The following GRIN3A variants were observed in gnomAD, a reference collection of about 807,000 sequenced individuals.
GRIN3A encodes glutamate ionotropic receptor NMDA type subunit 3A.
Under a neutral mutation model 92.4 loss-of-function variants are expected in GRIN3A, and 47 were observed. The observed-to-expected ratio is 0.51, with a 90% confidence interval of 0.40 to 0.65. The LOEUF is 0.65. Ranked by LOEUF, GRIN3A falls within the 30% of genes least tolerant of loss-of-function variation. The probability of loss-of-function intolerance (pLI) is 0.00; values close to 1 mark genes in which losing one functional copy is unlikely to be tolerated. For missense variants in GRIN3A, 1,324 were observed against 1,393.1 expected, an observed-to-expected ratio of 0.95 and a Z score of 0.79; for synonymous variants, 527 against 540.6, an observed-to-expected ratio of 0.97 and a Z score of 0.35.
At chr9:101,665,417 C>T (rs184099682) in intron 3 of GRIN3A, among the ~76,000 whole-genome samples, 47 of 151,846 alleles carry the variant, frequency 3.1e-4, no homozygotes, top group African/African-American at 1.1e-3. Context: ...GGCAGGTGTT[C>T]AAGAGCATTA....
intron 8 of GRIN3A, among the ~76,000 whole-genome samples, chr9:101,575,538 A>T (rs1192364064): frequency 6.6e-6 from 1 of 152,196 alleles, no homozygotes; most frequent in African/African-American, 2.4e-5. Flanking sequence ...GAATAAACCC[A>T]GGGCTATATA....
intron 3 of GRIN3A, among the ~76,000 whole-genome samples, chr9:101,669,450 C>T (rs1229473484): frequency 6.6e-6 from 1 of 152,078 alleles, no homozygotes; most frequent in Non-Finnish European, 1.5e-5. Flanking sequence ...ACTGCTGGCA[C>T]TCTCCCTTCT....
In GRIN3A at chr9:101,613,437, A is replaced by C; in HGVS notation, c.2705T>G (p.Met902Arg). 1 of 1,614,194 alleles carries C rather than the reference A, an allele frequency of 6.2e-7. No homozygotes were observed. The highest frequency in any genetic ancestry group is 8.5e-7 in the Non-Finnish European group (1 of 1,180,010). ...CACCCTGTACCACTTGTCATGGAGC[A>C]TATCCATAAACCCATGTGACTTGTA... ...SQYKSHGFMD[M>R]LHDKWYRVVP... The change falls in exon 6 of 9, where the codon ATG becomes AGG. Residue 902 changes from methionine (M) to arginine (R), a missense_variant. Physicochemically the swap from Met to Arg is moderately conservative, Grantham distance 91. Transcript: ENST00000361820.
At chr9:101,586,083 C>T (rs1827947263) in intron 6 of GRIN3A, among the ~76,000 whole-genome samples, 2 of 152,214 alleles carry the variant, frequency 1.3e-5, no homozygotes, top group African/African-American at 4.8e-5. Context: ...CCTTCCCTCA[C>T]TTTCTTTAGG....
At chr9:101,574,026 A>C (rs1429287836) in intron 8 of GRIN3A, among the ~76,000 whole-genome samples, 1 of 152,068 alleles carries the variant, frequency 6.6e-6, no homozygotes. Flanking sequence ...GGGGAGAAAA[A>C]AAGCATATAA....
chr9:101,679,423 T>G (rs1829440153), intron 2 of GRIN3A, among the ~76,000 whole-genome samples: 1 of 152,108 alleles, frequency 6.6e-6, no homozygotes, highest in Admixed American at 6.6e-5. Context: ...AATAGAGTCT[T>G]GAGGGAATAT....
At chr9:101,679,956 G>A (rs947837160) in intron 2 of GRIN3A, among the ~76,000 whole-genome samples, 1 of 152,144 alleles carries the variant, frequency 6.6e-6, no homozygotes, top group East Asian at 1.9e-4. Context: ...ATAGCTTCAG[G>A]CTGAAAGAAT....
chr9:101,582,579 C>G (rs1827901941), intron 6 of GRIN3A, among the ~76,000 whole-genome samples: 1 of 152,160 alleles, frequency 6.6e-6, no homozygotes, highest in Non-Finnish European at 1.5e-5. Flanking sequence ...GTAAACCTGA[C>G]ATGCAGAAAG....
intron 1 of GRIN3A, among the ~76,000 whole-genome samples, chr9:101,736,399 C>T (rs1408128192): frequency 6.6e-6 from 1 of 152,204 alleles, no homozygotes; most frequent in African/African-American, 2.4e-5. Context: ...GATTCATCTC[C>T]TCATTATTAC....
At chr9:101,715,896 G>A (rs1285615539) in intron 1 of GRIN3A, among the ~76,000 whole-genome samples, 1 of 152,100 alleles carries the variant, frequency 6.6e-6, no homozygotes, top group Non-Finnish European at 1.5e-5. Flanking sequence ...CTTTTGCCTT[G>A]TAAATACATT....
At chr9:101,642,788 C>T (rs1198209783) in intron 3 of GRIN3A, among the ~76,000 whole-genome samples, 3 of 152,048 alleles carry the variant, frequency 2.0e-5, no homozygotes, top group Admixed American at 6.5e-5. Context: ...GTGAACCCCA[C>T]GTGCGAGGGA....
intron 1 of GRIN3A, among the ~76,000 whole-genome samples, chr9:101,702,900 C>T (rs914660321): frequency 1.2e-4 from 18 of 152,182 alleles, no homozygotes; most frequent in Non-Finnish European, 2.6e-4. Flanking sequence ...CTCTCTTTTT[C>T]TTCTTGTCAC....
intron 6 of GRIN3A, chr9:101,591,652 CTG>C (rs906682324): frequency 2.6e-5 from 4 of 152,194 alleles, no homozygotes; most frequent in Non-Finnish European, 5.9e-5. Context: ...TCCCAAGAAA[CTG>C]TATAGAACTA....
chr9:101,726,975 A>G (rs1830088276), intron 1 of GRIN3A, among the ~76,000 whole-genome samples: 1 of 152,200 alleles, frequency 6.6e-6, no homozygotes. Context: ...GACAAGAAGC[A>G]TAATCAGTAA....
intron 2 of GRIN3A, among the ~76,000 whole-genome samples, chr9:101,671,908 G>A (rs2118954685): frequency 6.6e-6 from 1 of 152,270 alleles, no homozygotes; most frequent in East Asian, 1.9e-4. Flanking sequence ...TCCTAACCCT[G>A]TGAACTAGGG....
chr9:101,610,558 T>A (rs1475302505), intron 6 of GRIN3A, among the ~76,000 whole-genome samples: 1 of 151,202 alleles, frequency 6.6e-6, no homozygotes, highest in African/African-American at 2.4e-5. Context: ...ACCAAGGGCA[T>A]TGACCAGCTT....
rs1201191623 is a variant in GRIN3A at position 101,671,064 on chromosome 9, T to G, written c.1348A>C (p.Arg450=). The change falls in exon 3 of 9, where the codon AGA becomes CGA. Residue 450 remains arginine (R), a synonymous_variant. Coordinates refer to ENST00000361820, the MANE Select transcript of GRIN3A (RefSeq NM_133445.3). ...TTFRGLSGSI[R]VKGSTIVSSE... Reference sequence around the variant, plus strand: ...CTGACGATGGTGGAACCTTTTACTCTGATGGAACCACTGAGGCCTCTGAAA... The same window carrying G: ...CTGACGATGGTGGAACCTTTTACTCGGATGGAACCACTGAGGCCTCTGAAA... The G allele has an allele frequency of 2.5e-6, 4 of 1,613,930 alleles. No individual in the cohort carries two copies. The highest frequency in any genetic ancestry group is 3.4e-6 in the Non-Finnish European group (4 of 1,179,844).
At chr9:101,628,009 C>T (rs1269693607) in intron 4 of GRIN3A, among the ~76,000 whole-genome samples, 2 of 152,126 alleles carry the variant, frequency 1.3e-5, no homozygotes. Context: ...GCTAATGGCC[C>T]CACTGACTCT....
intron 3 of GRIN3A, among the ~76,000 whole-genome samples, chr9:101,664,939 T>A (rs1588272953): frequency 6.6e-6 from 1 of 151,946 alleles, no homozygotes; most frequent in African/African-American, 2.4e-5. Context: ...ACAGACGGTG[T>A]ATAAATACAG....
Sources: gnomAD v4.1 joint callset for allele counts (sites outside exome capture counted in the v4.1 genomes callset) on GRCh38, gnomAD v4.1.1 for gene constraint, MANE v1.5 for transcripts, NCBI Gene and HGNC (gene_info 2026-07-23, HGNC 2026-07-21) for gene names.